Variants in GLRA2 observed in about 807,000 individuals in gnomAD.
The protein encoded by GLRA2 is glycine receptor alpha 2, also known as glycine receptor subunit alpha-2.
In GLRA2, 11 loss-of-function variants were observed where a neutral mutation model predicts 31.6. That is an observed-to-expected ratio of 0.35 (90% CI 0.22 to 0.58). The LOEUF is 0.58. GLRA2 is among the 20% of genes least tolerant of loss of function. The pLI, the probability that GLRA2 is intolerant of heterozygous loss-of-function variation, is 0.84. For missense variants in GLRA2, 212 were observed against 351.8 expected (o/e 0.60, Z 3.18); for synonymous variants, 132 against 134.0 (o/e 0.99, Z 0.10).
At chrX:14,508,782 A>T in the GLRA2 span, among the ~76,000 whole-genome samples, 1 of 111,813 alleles carries the variant, frequency 8.9e-6, no homozygotes, top group Non-Finnish European at 1.9e-5. Flanking sequence ...ATTATAGAAT[A>T]CCTCTAGAAA....
At chrX:14,554,673 T>G (rs1416107773) in intron 2 of GLRA2, among the ~76,000 whole-genome samples, 2 of 111,693 alleles carry the variant, frequency 1.8e-5, no homozygotes, top group East Asian at 2.8e-4. Context: ...TGTTAAAGAT[T>G]TTATTTAACT....
At chrX:14,480,143 T>C in the GLRA2 span, among the ~76,000 whole-genome samples, 1 of 112,072 alleles carries the variant, frequency 8.9e-6, no homozygotes, top group African/African-American at 3.2e-5. Context: ...TTATTTCATG[T>C]TTGTCTGTGT....
chrX:14,667,024 G>A (rs1240036884), intron 7 of GLRA2, among the ~76,000 whole-genome samples: 1 of 112,161 alleles, frequency 8.9e-6, no homozygotes, highest in Admixed American at 9.4e-5. Context: ...ATACTTCTCA[G>A]CATTTCACAC....
At chrX:14,543,020 AT>A (rs1226166766) in intron 2 of GLRA2, among the ~76,000 whole-genome samples, 2 of 109,866 alleles carry the variant, frequency 1.8e-5, no homozygotes, top group East Asian at 5.8e-4. Context: ...AGAATAAGAC[AT>A]TTTTGCCCTT....
chrX:14,465,613 G>A, the GLRA2 span, among the ~76,000 whole-genome samples: 1 of 112,061 alleles, frequency 8.9e-6, no homozygotes, highest in African/African-American at 3.2e-5. Flanking sequence ...TCTGGATTTA[G>A]AGAGACTGAT....
At chrX:14,550,500 C>A (rs1033656094) in intron 2 of GLRA2, among the ~76,000 whole-genome samples, 2 of 109,887 alleles carry the variant, frequency 1.8e-5, no homozygotes, top group African/African-American at 6.6e-5. Context: ...AGTTCACATC[C>A]AATGATCTGT....
At chrX:14,670,373 C>A (rs149152702) in intron 7 of GLRA2, among the ~76,000 whole-genome samples, 1,551 of 112,059 alleles carry the variant, frequency 0.014, 20 homozygotes, top group Middle Eastern at 0.041. Context: ...TTTTGGCTAT[C>A]TTTTCAGCAA....
intron 7 of GLRA2, among the ~76,000 whole-genome samples, chrX:14,659,055 C>A (rs926046346): frequency 2.7e-5 from 3 of 112,205 alleles, no homozygotes; most frequent in African/African-American, 9.7e-5. Context: ...GCCTTAAAGG[C>A]TCCAGTGTCC....
chrX:14,619,378 A>G (rs1324861440), intron 7 of GLRA2, among the ~76,000 whole-genome samples: 2 of 110,912 alleles, frequency 1.8e-5, no homozygotes, highest in African/African-American at 6.6e-5. Context: ...TGTCCTCACT[A>G]TGGTGAACAA....
intron 7 of GLRA2, among the ~76,000 whole-genome samples, chrX:14,683,347 T>C (rs2091237548): frequency 8.9e-6 from 1 of 112,397 alleles, no homozygotes; most frequent in Non-Finnish European, 1.9e-5. Flanking sequence ...CATAAATGTC[T>C]TCTTTTGAGA....
the GLRA2 span, among the ~76,000 whole-genome samples, chrX:14,504,931 A>C: frequency 8.9e-6 from 1 of 112,079 alleles, no homozygotes; most frequent in Non-Finnish European, 1.9e-5. Context: ...GTATGGGTCT[A>C]GGAACTTCTA....
At chrX:14,553,319 T>C (rs936210352) in intron 2 of GLRA2, among the ~76,000 whole-genome samples, 7 of 111,739 alleles carry the variant, frequency 6.3e-5, no homozygotes, top group Admixed American at 3.8e-4. Context: ...CACTATGAAA[T>C]AGAGCCATAT....
intron 7 of GLRA2, among the ~76,000 whole-genome samples, chrX:14,675,948 T>C (rs139415970): frequency 2.0e-3 from 225 of 112,295 alleles, no homozygotes; most frequent in African/African-American, 6.9e-3. Flanking sequence ...ATAAACTAAT[T>C]TCCCCCCAAA....
chrX:14,686,888 T>G (rs1287000055), intron 7 of GLRA2, among the ~76,000 whole-genome samples: 1 of 112,250 alleles, frequency 8.9e-6, no homozygotes, highest in African/African-American at 3.2e-5. Flanking sequence ...TGCTCGTTAG[T>G]TGATGCAGCT....
At chrX:14,655,596 T>G (rs2090931709) in intron 7 of GLRA2, among the ~76,000 whole-genome samples, 1 of 112,027 alleles carries the variant, frequency 8.9e-6, no homozygotes, top group Non-Finnish European at 1.9e-5. Flanking sequence ...TGATGTCCAC[T>G]GTTCCCTAGA....
the GLRA2 span, among the ~76,000 whole-genome samples, chrX:14,477,039 C>G: frequency 3.6e-5 from 4 of 111,624 alleles, no homozygotes; most frequent in Non-Finnish European, 7.5e-5. Context: ...GAGGACCCTG[C>G]ATTCTGGAGG....
At chrX:14,601,060 A>C (rs2090267647) in intron 4 of GLRA2, among the ~76,000 whole-genome samples, 2 of 108,179 alleles carry the variant, frequency 1.8e-5, no homozygotes, top group Non-Finnish European at 3.8e-5. Context: ...TCCTTATTTC[A>C]AAGAGTTCAT....
chrX:14,528,267 G>T (rs1238469019), upstream of GLRA2, among the ~76,000 whole-genome samples: 1 of 112,155 alleles, frequency 8.9e-6, no homozygotes, highest in African/African-American at 3.2e-5. Context: ...AAGGTAAAAA[G>T]AACTTGCCAT....
chrX:14,634,219 G>T (rs1435480618), intron 7 of GLRA2, among the ~76,000 whole-genome samples: 1 of 112,034 alleles, frequency 8.9e-6, no homozygotes, highest in East Asian at 2.8e-4. Context: ...AAATTGCTGG[G>T]ATTACAGGCG....
Sources: gnomAD v4.1 joint callset for allele counts (sites outside exome capture counted in the v4.1 genomes callset) on GRCh38, gnomAD v4.1.1 for gene constraint, MANE v1.5 for transcripts, NCBI Gene and HGNC (gene_info 2026-07-23, HGNC 2026-07-21) for gene names.